Variants in ACSS1 observed in about 807,000 individuals in gnomAD.
The protein encoded by ACSS1 is acetyl-coenzyme A synthetase 2-like, mitochondrial.
ACSS1 carries 42 observed loss-of-function variants against 75.3 expected under a neutral mutation model. The ratio of observed to expected loss-of-function variants is 0.56; its 90% confidence interval spans 0.44 to 0.72. The LOEUF is 0.72. Among genes scored for constraint, ACSS1 ranks in the 30% least tolerant of loss-of-function variants. The probability of loss-of-function intolerance (pLI) is 0.00; values close to 1 mark genes in which losing one functional copy is unlikely to be tolerated. For missense variants in ACSS1, 782 were observed against 935.7 expected (o/e 0.84, Z 2.14); for synonymous variants, 380 against 376.8 (o/e 1.01, Z -0.10).
chr20:25,055,281 A>G (rs2089226356), intron 1 of ACSS1, among the ~76,000 whole-genome samples: 1 of 152,260 alleles, frequency 6.6e-6, no homozygotes, highest in Non-Finnish European at 1.5e-5. Flanking sequence ...ATGTACATCA[A>G]TAGTAACTAG....
At chr20:25,041,054 T>G (rs368652216) in intron 2 of ACSS1, among the ~76,000 whole-genome samples, 31 of 152,174 alleles carry the variant, frequency 2.0e-4, no homozygotes, top group African/African-American at 7.2e-4. Context: ...GTCAGGAGAT[T>G]GAGACCATCC....
At chr20:25,021,098 T>A (rs1199476291) in intron 6 of ACSS1, among the ~76,000 whole-genome samples, 2 of 152,274 alleles carry the variant, frequency 1.3e-5, no homozygotes, top group East Asian at 3.9e-4. Context: ...GTGAGAAGGA[T>A]GCCAAAGCGA....
intron 1 of ACSS1, 30 bp downstream of exon 1, chr20:25,057,739 G>T: frequency 3.9e-6 from 6 of 1,525,726 alleles, no homozygotes; most frequent in Non-Finnish European, 5.3e-6. Context: ...AAGAGTTGGG[G>T]GCGTCCTGGG....
chr20:25,020,142 A>G lies in ACSS1; in HGVS notation c.1114T>C (p.Tyr372His). 1 of 1,614,198 alleles carries G rather than the reference A, an allele frequency of 6.2e-7. No homozygotes were observed. The highest frequency in any genetic ancestry group is 8.5e-7 in the Non-Finnish European group (1 of 1,180,004). The change falls in exon 7 of 14, where the codon TAC becomes CAC. Residue 372 changes from tyrosine (Y) to histidine (H), a missense_variant. Tyr to His is a moderately conservative substitution (Grantham distance 83). This residue lies in a region of ACSS1 where 405 missense variants were observed against 552.6 expected (regional missense o/e 0.73). Transcript: ENST00000323482. ...TTCAACCTCTCTACTGTCTCCCAGT[A>G]CCGACCTACAGAAAGGCCGAAATTC... ...STPVYPNAGR[Y>H]WETVERLKIN...
intron 2 of ACSS1, among the ~76,000 whole-genome samples, chr20:25,041,716 T>C (rs1228763574): frequency 1.7e-5 from 2 of 118,966 alleles, no homozygotes; most frequent in Non-Finnish European, 3.9e-5. Flanking sequence ...GGGTTTCTAA[T>C]GTGAAGATAG....
At position 25,037,067 on chromosome 20, in the gene ACSS1, A is replaced by G. The variant is rs150465784; in HGVS notation, c.432-6109T>C. Among the ~76,000 whole-genome samples the G allele has an allele frequency of 3.4e-3, 512 of 152,028 alleles. 3 individuals carry two copies. The highest frequency in any genetic ancestry group is 0.012 in the African/African-American group (503 of 41,474). ...AGGGAAAGAAAGAAATTGAGAATGCATGATTGTTTATTGCTTACAATTATT... is the reference window on the plus strand; with the variant it reads ...AGGGAAAGAAAGAAATTGAGAATGCGTGATTGTTTATTGCTTACAATTATT... On this transcript the variant is annotated intron_variant, in intron 2 of 13. Transcript: ENST00000323482.
At chr20:25,044,664 C>T (rs1331792158) in intron 2 of ACSS1, among the ~76,000 whole-genome samples, 3 of 152,224 alleles carry the variant, frequency 2.0e-5, no homozygotes, top group Non-Finnish European at 2.9e-5. Flanking sequence ...TGGAGAAGTG[C>T]AGGTAAACAG....
rs145679432 is a variant in ACSS1, at chr20:25,020,047, C to T, written c.1209G>A (p.Lys403=). The T allele has an allele frequency of 8.5e-3, 13,725 of 1,614,220 alleles. 60 individuals are homozygous for T. Among genetic ancestry groups the T allele is most frequent in the Non-Finnish European group, 9.7e-3 (11,392 of 1,180,036 alleles). Residue 403 remains lysine, a synonymous_variant, in exon 7 of 14, where the codon AAG becomes AAA. Coordinates refer to ENST00000323482, the MANE Select transcript of ACSS1 (RefSeq NM_032501.4). The part of the protein sequence containing the change: ...LLLKYGDAWV[K]KYDRSSLRTL... ...TCCGCAGGGAGGAGCGATCATACTT[C>T]TTCACCCAGGCATCACCGTATTTCA... is the stretch of plus-strand genomic sequence containing the variant.
intron 12 of ACSS1, chr20:25,011,776 G>A (rs1340881681): frequency 6.6e-6 from 1 of 152,214 alleles, no homozygotes; most frequent in Non-Finnish European, 1.5e-5. Context: ...ATGGAATAAC[G>A]GCACATAGAA....
At chr20:25,021,617 G>A (rs1409236651) in intron 5 of ACSS1, 81 bp from the exon 6 acceptor site, 3 of 1,544,092 alleles carry the variant, frequency 1.9e-6, no homozygotes, top group South Asian at 2.5e-5. Flanking sequence ...AAATAGGCAT[G>A]CATAGGCTGC....
At chr20:25,043,579 G>A (rs560125066) in intron 2 of ACSS1, among the ~76,000 whole-genome samples, 2 of 152,362 alleles carry the variant, frequency 1.3e-5, no homozygotes, top group African/African-American at 4.8e-5. Flanking sequence ...GGTAGGTGGG[G>A]TTGGGGGAGG....
In ACSS1 at chr20:25,058,108, C is replaced by G; in HGVS notation, c.-6G>C. 1 of 1,248,054 alleles carries G rather than the reference C, an allele frequency of 8.0e-7. No individual in the cohort carries two copies. Among genetic ancestry groups the G allele is most frequent in the Non-Finnish European group, 1.0e-6 (1 of 998,638 alleles). 77.3% of individuals were successfully genotyped at this position (1,248,054 alleles called of 1,614,324 possible). On this transcript the variant is annotated 5_prime_UTR_variant, in exon 1 of 14. Coordinates refer to ENST00000323482, the MANE Select transcript of ACSS1 (RefSeq NM_032501.4). ...CCCAGGGTGCGCGCCGCCATCTAGG[C>G]AGGCTACCTGAGCTCTCTGTGCTCC...
intron 6 of ACSS1, 92 bp from the exon 7 acceptor site, chr20:25,020,239 A>C: frequency 1.3e-6 from 2 of 1,558,582 alleles, no homozygotes; most frequent in Non-Finnish European, 1.8e-6. Context: ...AGTGCTGGGC[A>C]TGTGCAGACG....
At chr20:25,047,005 C>G (rs996469632) in intron 2 of ACSS1, 4 of 748,596 alleles carry the variant, frequency 5.3e-6, no homozygotes, top group African/African-American at 3.4e-5. Flanking sequence ...AGGGGAGGAA[C>G]GAGCAGGACA....
Position 25,013,596 on chromosome 20 carries a change from C to A in ACSS1, c.1519G>T (p.Ala507Ser). 1 of 1,610,480 alleles carries A rather than the reference C, an allele frequency of 6.2e-7. No individual in the cohort carries two copies. The highest frequency in any genetic ancestry group is 8.5e-7 in the Non-Finnish European group (1 of 1,177,870). ...LCISQAWPGM[A>S]RTIYGDHQRF... ...TGGTGGTCGCCATAGATGGTCCTGG[C>A]CATGCCCGGCCAGGCCTGGGAGATG... is the stretch of plus-strand genomic sequence containing the variant. The change falls in exon 10 of 14, where the codon GCC (alanine) becomes TCC (serine). Residue 507 changes from alanine (A) to serine (S), a missense_variant. Coordinates refer to ENST00000323482, the MANE Select transcript of ACSS1 (RefSeq NM_032501.4).
intron 2 of ACSS1, among the ~76,000 whole-genome samples, chr20:25,039,148 C>T (rs902032198): frequency 1.6e-4 from 25 of 152,322 alleles, no homozygotes; most frequent in Admixed American, 1.4e-3. Flanking sequence ...CTCACAACAG[C>T]CCATAGGTTC....
chr20:25,043,011 G>A (rs1055621096), intron 2 of ACSS1, among the ~76,000 whole-genome samples: 1 of 152,112 alleles, frequency 6.6e-6, no homozygotes, highest in Non-Finnish European at 1.5e-5. Context: ...CACAGCCAGG[G>A]TCAGGCTGGG....
chr20:25,058,039 C>T lies in ACSS1; in HGVS notation c.64G>A (p.Gly22Arg), dbSNP rs1019550529. The T allele has an allele frequency of 5.1e-6, 7 of 1,361,298 alleles. No homozygotes were observed. Among genetic ancestry groups the T allele is most frequent in the Non-Finnish European group, 6.6e-6 (7 of 1,064,778 alleles). 84.3% of individuals were successfully genotyped at this position (1,361,298 alleles called of 1,614,324 possible). ...CCGCACGGCGGCCGCGCGGGCTGCC[C>T]CGAGAGCCCTCGCAGGCTGCCCAGC... ...RLLGSLRGLS[G>R]QPARPPCGVS... is the part of the protein sequence containing the mutation. The change falls in exon 1 of 14, where the codon GGG (glycine) becomes AGG (arginine). Residue 22 changes from glycine (G) to arginine (R), a missense_variant. By Grantham distance (125) the Gly-to-Arg change is moderately radical (BLOSUM62 -2). Coordinates refer to ENST00000323482, the MANE Select transcript of ACSS1 (RefSeq NM_032501.4).
At chr20:25,014,307 C>A (rs1303321090) in intron 8 of ACSS1, among the ~76,000 whole-genome samples, 1 of 152,220 alleles carries the variant, frequency 6.6e-6, no homozygotes, top group Admixed American at 6.5e-5. Flanking sequence ...CAGGTGCAGG[C>A]CCCCTCGCCA....
Sources: allele counts gnomAD v4.1 joint callset (sites outside exome capture counted in the v4.1 genomes callset), GRCh38; gene constraint gnomAD v4.1.1; regional missense constraint gnomAD v4.1.1; transcripts MANE v1.5; gene names NCBI Gene and HGNC (gene_info 2026-07-23, HGNC 2026-07-21).